The following FBXO16 variants were observed in gnomAD, a reference collection of about 807,000 sequenced individuals.
The protein encoded by FBXO16 is F-box protein 16, also known as F-box only protein 16.
A neutral mutation model predicts 41.0 loss-of-function variants in FBXO16; 31 were observed. The ratio of observed to expected loss-of-function variants is 0.76; its 90% CI spans 0.57 to 1.02. The LOEUF (loss-of-function observed/expected upper bound fraction) is 1.02, where lower values mean the gene tolerates loss of function less well. FBXO16 is among the 50% of genes least tolerant of loss of function. FBXO16 has a pLI of 0.00. For missense variants in FBXO16, 361 were observed against 346.2 expected (o/e 1.04, Z -0.34); for synonymous variants, 133 against 117.8 (o/e 1.13, Z -0.84).
At chr8:28,483,066 G>C (rs1253160128) in intron 2 of FBXO16, among the ~76,000 whole-genome samples, 1 of 152,132 alleles carries the variant, frequency 6.6e-6, no homozygotes, top group Non-Finnish European at 1.5e-5. Context: ...GGGAGAACAA[G>C]TGATGGAAGA....
At chr8:28,464,859 G>A (rs1803208220) in intron 3 of FBXO16, among the ~76,000 whole-genome samples, 1 of 152,096 alleles carries the variant, frequency 6.6e-6, no homozygotes, top group African/African-American at 2.4e-5. Flanking sequence ...TCACCATGTT[G>A]GTCAGGCTGG....
intron 1 of FBXO16, among the ~76,000 whole-genome samples, chr8:28,485,213 C>T (rs762339365): frequency 1.3e-4 from 20 of 152,180 alleles, no homozygotes; most frequent in Admixed American, 1.3e-4. Context: ...TGCCCTGTTT[C>T]CCAGGCTGCC....
At chr8:28,430,484 C>T (rs1802589961) in intron 7 of FBXO16, among the ~76,000 whole-genome samples, 1 of 151,626 alleles carries the variant, frequency 6.6e-6, no homozygotes, top group South Asian at 2.1e-4. Flanking sequence ...GTTAAAGTAG[C>T]AAGTTGTTAG....
chr8:28,471,409 C>T (rs904487575), intron 3 of FBXO16, among the ~76,000 whole-genome samples: 2 of 151,318 alleles, frequency 1.3e-5, no homozygotes, highest in South Asian at 2.1e-4. Flanking sequence ...TCCTTATTTC[C>T]CCTTCCTTCC....
chr8:28,445,501 C>T (rs934488959), intron 7 of FBXO16, among the ~76,000 whole-genome samples: 1 of 152,216 alleles, frequency 6.6e-6, no homozygotes, highest in African/African-American at 2.4e-5. Flanking sequence ...ATGGACTTCT[C>T]TTCCACTCCT....
At chr8:28,481,067 G>A (rs111627961) in intron 2 of FBXO16, among the ~76,000 whole-genome samples, 8 of 152,212 alleles carry the variant, frequency 5.3e-5, no homozygotes, top group South Asian at 4.1e-4. Flanking sequence ...GCCCCGAGCC[G>A]GGCCTGGGCA....
intron 7 of FBXO16, among the ~76,000 whole-genome samples, chr8:28,444,521 C>T (rs1327023139): frequency 6.7e-6 from 1 of 148,666 alleles, no homozygotes; most frequent in Non-Finnish European, 1.5e-5. Flanking sequence ...GCTCTGTTGC[C>T]CTGGCTGGAG....
intron 3 of FBXO16, among the ~76,000 whole-genome samples, chr8:28,467,502 C>A (rs1261759588): frequency 6.6e-6 from 1 of 152,142 alleles, no homozygotes; most frequent in African/African-American, 2.4e-5. Context: ...TAATAGAGTG[C>A]ATGACTCATT....
At chr8:28,455,620 A>G (rs1803027570) in intron 5 of FBXO16, 1 of 152,214 alleles carries the variant, frequency 6.6e-6, no homozygotes, top group African/African-American at 2.4e-5. Context: ...CTGCCCCTGA[A>G]CAGCCTGAGC....
chr8:28,443,766 A>G (rs1802817273), intron 7 of FBXO16, among the ~76,000 whole-genome samples: 1 of 152,182 alleles, frequency 6.6e-6, no homozygotes, highest in Admixed American at 6.5e-5. Context: ...AGGTTGCAAT[A>G]AAAAAGCCGG....
At chr8:28,479,559 G>A (rs1803479105) in intron 2 of FBXO16, among the ~76,000 whole-genome samples, 1 of 152,138 alleles carries the variant, frequency 6.6e-6, no homozygotes, top group South Asian at 2.1e-4. Flanking sequence ...TTCAATGTGT[G>A]TAAAACCTTC....
chr8:28,474,353 AGAGAGAGAAAGAAGAAAAG>A (rs1803388814), intron 2 of FBXO16, among the ~76,000 whole-genome samples: 14 of 135,576 alleles, frequency 1.0e-4, no homozygotes, highest in Admixed American at 1.5e-4. Flanking sequence ...AAAAAAAAAA[AGAGAGAGAAAGAAGAAAAG>A]AAAAAATGAA....
intron 7 of FBXO16, among the ~76,000 whole-genome samples, chr8:28,446,221 G>A (rs1287537214): frequency 9.8e-6 from 1 of 101,784 alleles, no homozygotes; most frequent in Non-Finnish European, 1.8e-5. Context: ...TCACGCTGTT[G>A]CCCAGCCTGG....
chr8:28,463,518 G>A, intron 4 of FBXO16, 94 bp downstream of exon 4: 1 of 1,196,020 alleles, frequency 8.4e-7, no homozygotes, highest in South Asian at 1.4e-5. Flanking sequence ...GTGTGTGTGT[G>A]TATGCCTGTG....
intron 1 of FBXO16, among the ~76,000 whole-genome samples, chr8:28,485,740 C>T (rs984438684): frequency 6.6e-6 from 1 of 152,164 alleles, no homozygotes; most frequent in African/African-American, 2.4e-5. Flanking sequence ...AGGTAAGTTA[C>T]TAAGCCAAAA....
chr8:28,464,579 G>C (rs1387268508), intron 3 of FBXO16, among the ~76,000 whole-genome samples: 1 of 152,194 alleles, frequency 6.6e-6, no homozygotes, highest in Non-Finnish European at 1.5e-5. Context: ...TTGGGGAAGA[G>C]AAAATAGGGA....
intron 4 of FBXO16, among the ~76,000 whole-genome samples, chr8:28,458,202 A>G (rs1293225504): frequency 6.6e-6 from 1 of 152,002 alleles, no homozygotes; most frequent in Non-Finnish European, 1.5e-5. Flanking sequence ...TTTTTCTATT[A>G]CTCTCTGCCT....
At chr8:28,460,480 G>A (rs2130147446) in intron 4 of FBXO16, among the ~76,000 whole-genome samples, 1 of 136,066 alleles carries the variant, frequency 7.3e-6, no homozygotes, top group Non-Finnish European at 1.5e-5. Context: ...CAGGCTAGCA[G>A]TGGCATGATC....
intron 2 of FBXO16, among the ~76,000 whole-genome samples, chr8:28,481,509 A>T (rs1323778501): frequency 6.6e-6 from 1 of 152,142 alleles, no homozygotes; most frequent in African/African-American, 2.4e-5. Context: ...CATGCCAAGA[A>T]TGCAAGGGCC....
Sources: gnomAD v4.1 joint callset for allele counts (sites outside exome capture counted in the v4.1 genomes callset) on GRCh38, gnomAD v4.1.1 for gene constraint, MANE v1.5 for transcripts, NCBI Gene and HGNC (gene_info 2026-07-23, HGNC 2026-07-21) for gene names.